SPECC1: variants seen among roughly 807,000 people sequenced by gnomAD.
SPECC1 encodes the protein cytospin-B.
In SPECC1, 62 loss-of-function variants were observed where a neutral mutation model predicts 104.1. The ratio of observed to expected loss-of-function variants is 0.60; its 90% CI spans 0.49 to 0.74. The LOEUF is 0.74. Among genes scored for constraint, SPECC1 ranks in the 30% least tolerant of loss-of-function variants. The probability of loss-of-function intolerance (pLI) is 0.00; values close to 1 mark genes in which losing one functional copy is unlikely to be tolerated. For missense variants in SPECC1, 1,306 were observed against 1,310.5 expected, an observed-to-expected ratio of 1.00 and a Z score of 0.05; for synonymous variants, 513 against 501.6, an observed-to-expected ratio of 1.02 and a Z score of -0.30.
At chr17:20,086,745 T>G (rs1420900850) in intron 1 of SPECC1, among the ~76,000 whole-genome samples, 1 of 152,094 alleles carries the variant, frequency 6.6e-6, no homozygotes, top group Non-Finnish European at 1.5e-5. Context: ...GAGGGTCCCT[T>G]TTTTGCGTCT....
At chr17:20,182,451 C>T (rs891613811) in intron 3 of SPECC1, among the ~76,000 whole-genome samples, 3 of 151,988 alleles carry the variant, frequency 2.0e-5, no homozygotes, top group Non-Finnish European at 2.9e-5. Context: ...TTATAGAGGC[C>T]ACCGGACAGA....
At chr17:20,231,435 C>T (rs899311571) in intron 5 of SPECC1, among the ~76,000 whole-genome samples, 5 of 152,170 alleles carry the variant, frequency 3.3e-5, no homozygotes, top group East Asian at 1.9e-4. Context: ...AGGCCGGACT[C>T]GGTATGCAAG....
chr17:20,009,581 G>C lies in SPECC1; in HGVS notation c.-22+157G>C, dbSNP rs1482663874. On this transcript the variant is annotated intron_variant, in intron 1 of 14. Transcript: ENST00000395527. The surrounding 1 kb of genome is among the most constrained non-coding windows in gnomAD (Gnocchi z 5.2). ...GGAAGGCGTGCTGCGTCTTCGCCGC[G>C]GGGGCCCCGGTCCCCTCGTCGCGTG... Among the ~76,000 whole-genome samples, 1 of 152,134 alleles carries C rather than the reference G, an allele frequency of 6.6e-6. No individual in the cohort carries two copies. Among genetic ancestry groups the C allele is most frequent in the Non-Finnish European group, 1.5e-5 (1 of 67,990 alleles).
intron 1 of SPECC1, chr17:20,056,512 G>T: frequency 4.6e-6 from 1 of 216,374 alleles, no homozygotes. Flanking sequence ...TGTGCTTCAA[G>T]GGATTAGGAA....
chr17:20,227,969 G>C (rs1050246379), intron 5 of SPECC1, among the ~76,000 whole-genome samples: 1 of 152,100 alleles, frequency 6.6e-6, no homozygotes, highest in East Asian at 1.9e-4. Context: ...GGTGACGAGG[G>C]GGGGTGGGTT....
At chr17:20,173,401 A>G (rs1255849531) in intron 3 of SPECC1, among the ~76,000 whole-genome samples, 1 of 152,252 alleles carries the variant, frequency 6.6e-6, no homozygotes, top group East Asian at 1.9e-4. Flanking sequence ...TTATTTATCA[A>G]AGTGCCATGT....
At chr17:20,028,672 C>G (rs2044694025) in intron 1 of SPECC1, among the ~76,000 whole-genome samples, 1 of 151,736 alleles carries the variant, frequency 6.6e-6, no homozygotes, top group Non-Finnish European at 1.5e-5. Context: ...TCGTGTTTTT[C>G]AAGTTTGTTT....
chr17:20,049,262 G>A (rs900426059), intron 1 of SPECC1, among the ~76,000 whole-genome samples: 1 of 152,098 alleles, frequency 6.6e-6, no homozygotes, highest in African/African-American at 2.4e-5. Flanking sequence ...CATTCTAATA[G>A]GTAAAATAGA....
intron 3 of SPECC1, among the ~76,000 whole-genome samples, chr17:20,164,156 T>G (rs1012988984): frequency 1.3e-5 from 2 of 151,978 alleles, no homozygotes; most frequent in African/African-American, 4.8e-5. Context: ...ATATTGGGAT[T>G]TCTTCCCATG....
chr17:20,222,164 T>A (rs536709395), intron 4 of SPECC1, among the ~76,000 whole-genome samples: 1 of 152,094 alleles, frequency 6.6e-6, no homozygotes, highest in African/African-American at 2.4e-5. Context: ...AGAAACCCTG[T>A]CTCTACTAAA....
At position 20,064,724 on chromosome 17, in the gene SPECC1, T is replaced by G. The variant is rs529467104; in HGVS notation, c.-21-31907T>G. On this transcript the variant is annotated intron_variant, in intron 1 of 14. Coordinates refer to ENST00000395527, the MANE Select transcript of SPECC1 (RefSeq NM_001243439.2). ...CTTGTAAGCCCACAAACTTCTTGTT[T>G]CTAGCCATGTACTTACAGAAAGCCC... is the stretch of plus-strand genomic sequence containing the variant. 2.6e-5 allele frequency among the ~76,000 whole-genome samples: 4 copies of G among 152,302 alleles called. No homozygotes were observed. In the South Asian group the frequency reaches 8.3e-4, roughly 32 times the overall value.
chr17:20,130,960 GTATT>G (rs1044724787), intron 3 of SPECC1, among the ~76,000 whole-genome samples: 13 of 152,070 alleles, frequency 8.5e-5, no homozygotes, highest in African/African-American at 2.7e-4. Flanking sequence ...TTACACCTAA[GTATT>G]TATTTTTTAT....
At chr17:20,113,272 A>G (rs940864429) in intron 3 of SPECC1, among the ~76,000 whole-genome samples, 23 of 152,214 alleles carry the variant, frequency 1.5e-4, no homozygotes, top group Non-Finnish European at 2.8e-4. Context: ...TATGACCAGG[A>G]ATAGTATCTA....
intron 3 of SPECC1, among the ~76,000 whole-genome samples, chr17:20,166,990 A>G (rs2033704590): frequency 6.6e-6 from 1 of 152,034 alleles, no homozygotes; most frequent in Admixed American, 6.6e-5. Context: ...CACTGCTTGT[A>G]GTCCCAGCTA....
chr17:20,309,815 C>CTTTTTTTTTTTT lies in SPECC1; in HGVS notation c.3117+3742_3117+3753dup, dbSNP rs763244105. Among the ~76,000 whole-genome samples, 12 of 103,396 alleles carry CTTTTTTTTTTTT rather than the reference C, an allele frequency of 1.2e-4. 1 individual carries two copies. Among genetic ancestry groups the CTTTTTTTTTTTT allele is most frequent in the African/African-American group, 4.2e-4 (10 of 24,058 alleles). The allele number at this position is 103,396 out of a possible 152,430, so 67.8% of individuals were successfully genotyped here. ...GTCTACTGGTTTTCTTTCTCCTTTT[C>CTTTTTTTTTTTT]TTTTTTTTTTTTTTTTTTTTGAGAT... On this transcript the variant is annotated intron_variant, in intron 14 of 14. Coordinates refer to ENST00000395527, the MANE Select transcript of SPECC1 (RefSeq NM_001243439.2).
chr17:20,064,630 T>C (rs1347355751), intron 1 of SPECC1, among the ~76,000 whole-genome samples: 1 of 152,164 alleles, frequency 6.6e-6, no homozygotes, highest in Non-Finnish European at 1.5e-5. Flanking sequence ...CTACATGACC[T>C]TCGGCATATG....
intron 1 of SPECC1, among the ~76,000 whole-genome samples, chr17:20,051,116 C>CTT (rs1491459424): frequency 7.6e-6 from 1 of 130,838 alleles, no homozygotes; most frequent in Non-Finnish European, 1.6e-5. Context: ...TTCTTTCTTT[C>CTT]TTTCTTTCTT....
chr17:20,155,976 C>G (rs1233468909), intron 3 of SPECC1: 1 of 1,261,756 alleles, frequency 7.9e-7, no homozygotes, highest in Non-Finnish European at 1.0e-6. Context: ...GGGCGGGCCG[C>G]GAGGGCGGGC....
chr17:20,053,295 C>T (rs1394102496), intron 1 of SPECC1, among the ~76,000 whole-genome samples: 1 of 152,186 alleles, frequency 6.6e-6, no homozygotes, highest in Admixed American at 6.5e-5. Flanking sequence ...TCTATTCTTG[C>T]TAAAGTCATG....
Sources: gnomAD v4.1 joint callset for allele counts (sites outside exome capture counted in the v4.1 genomes callset) on GRCh38, gnomAD v4.1.1 for gene constraint, Gnocchi (gnomAD v3.1) non-coding constraint, MANE v1.5 for transcripts, NCBI Gene and HGNC (gene_info 2026-07-23, HGNC 2026-07-21) for gene names.